RBM27: variants seen among roughly 807,000 people sequenced by gnomAD.
The protein encoded by RBM27 is RNA binding motif protein 27.
Under a neutral mutation model 135.3 loss-of-function variants are expected in RBM27, and 22 were observed. The observed-to-expected ratio is 0.16, with a 90% CI of 0.12 to 0.23. The LOEUF (loss-of-function observed/expected upper bound fraction) is 0.23, where lower values mean the gene tolerates loss of function less well. Ranked by LOEUF, RBM27 falls within the 10% of genes least tolerant of loss-of-function variation. The probability of loss-of-function intolerance (pLI) is 1.00; values close to 1 mark genes in which losing one functional copy is unlikely to be tolerated. For missense variants in RBM27, 1,009 were observed against 1,281.0 expected (o/e 0.79, Z 3.24); for synonymous variants, 481 against 442.4 (o/e 1.09, Z -1.10).
At chr5:146,247,742 T>A (rs1303771200) in intron 8 of RBM27, among the ~76,000 whole-genome samples, 1 of 152,212 alleles carries the variant, frequency 6.6e-6, no homozygotes, top group East Asian at 1.9e-4. Context: ...TAGATGGCGT[T>A]ATGTACTTCC....
chr5:146,231,053 G>GA, intron 6 of RBM27, 136 bp downstream of exon 6: 7 of 1,095,230 alleles, frequency 6.4e-6, no homozygotes, highest in South Asian at 1.7e-5. Flanking sequence ...ACAGAGTCTT[G>GA]CTCTGTCACC....
At chr5:146,265,842 T>C (rs1047697994) in intron 14 of RBM27, among the ~76,000 whole-genome samples, 3 of 152,162 alleles carry the variant, frequency 2.0e-5, no homozygotes, top group Non-Finnish European at 4.4e-5. Flanking sequence ...AAAAGAGAGA[T>C]AGAAGATAGA....
chr5:146,249,928 G>A (rs1757810324), intron 8 of RBM27, among the ~76,000 whole-genome samples: 1 of 152,034 alleles, frequency 6.6e-6, no homozygotes, highest in Non-Finnish European at 1.5e-5. Context: ...ACATCCATTA[G>A]AAATGTAAAT....
rs35589922 is a variant in RBM27 at position 146,268,245 on chromosome 5, CT to C, written c.2451+491del. Among the ~76,000 whole-genome samples the C allele has an allele frequency of 3.4e-3, 490 of 142,144 alleles. 3 individuals carry two copies. Among genetic ancestry groups the C allele is most frequent in the African/African-American group, 7.8e-3 (302 of 38,922 alleles). 93.3% of individuals were successfully genotyped at this position (142,144 alleles called of 152,430 possible). On this transcript the variant is annotated intron_variant, in intron 15 of 20. Transcript: ENST00000265271. ...GATTTTACTCTCTTATTTCTTATTTCTTTTTTTTTTTTTTGAGACGGAGTTT... is the reference window on the plus strand; with the variant it reads ...GATTTTACTCTCTTATTTCTTATTTCTTTTTTTTTTTTTGAGACGGAGTTT...
At position 146,248,163 on chromosome 5, in the gene RBM27, T is replaced by C. The variant is rs1757711413; in HGVS notation, c.1280-3548T>C. 3.3e-5 allele frequency among the ~76,000 whole-genome samples: 5 copies of C among 152,006 alleles called. No individual in the cohort carries two copies. The South Asian group carries it at 1.0e-3, about 31-fold the overall frequency. On this transcript the variant is annotated intron_variant, in intron 8 of 20. Coordinates refer to ENST00000265271, the MANE Select transcript of RBM27 (RefSeq NM_018989.2). Reference sequence around the variant, plus strand: ...TAACATTTGATATGTTTCACTCCATTATAGTCTTTTTTGATGTTCAGATTG... The same window carrying C: ...TAACATTTGATATGTTTCACTCCATCATAGTCTTTTTTGATGTTCAGATTG...
intron 2 of RBM27, among the ~76,000 whole-genome samples, chr5:146,220,474 CA>C (rs55722840): frequency 0.45 from 51,111 of 114,566 alleles, 10,386 homozygotes; most frequent in East Asian, 0.55. Flanking sequence ...GAGTCCATCT[CA>C]AAAAAAAAAA....
intron 15 of RBM27, among the ~76,000 whole-genome samples, chr5:146,268,483 C>G (rs924970061): frequency 6.6e-6 from 1 of 152,118 alleles, no homozygotes; most frequent in Admixed American, 6.6e-5. Flanking sequence ...CTCAGGTGAT[C>G]CACCTGCCTC....
chr5:146,207,962 T>TTTC (rs1378108937), intron 1 of RBM27, among the ~76,000 whole-genome samples: 1 of 142,136 alleles, frequency 7.0e-6, no homozygotes, highest in African/African-American at 2.6e-5. Context: ...TTTTTTTTTT[T>TTTC]TTTTTTTTTT....
chr5:146,224,031 ATTGT>A (rs139837425), intron 3 of RBM27, among the ~76,000 whole-genome samples: 1,574 of 152,312 alleles, frequency 0.01, 13 homozygotes, highest in Non-Finnish European at 0.018. Context: ...TGGTAACCTA[ATTGT>A]TTGAACCAAG....
intron 19 of RBM27, among the ~76,000 whole-genome samples, chr5:146,282,106 C>T (rs1156314423): frequency 1.4e-5 from 2 of 147,566 alleles, no homozygotes; most frequent in Non-Finnish European, 3.0e-5. Context: ...TGGGTTCAAG[C>T]GATTCTCTCC....
intron 5 of RBM27, 99 bp from the exon 6 acceptor site, chr5:146,230,558 C>A: frequency 7.8e-7 from 1 of 1,288,548 alleles, no homozygotes; most frequent in Non-Finnish European, 1.1e-6. Flanking sequence ...AAGTTTAATT[C>A]AACATTCTCA....
intron 20 of RBM27, 89 bp downstream of exon 20, chr5:146,284,821 T>C: frequency 1.2e-6 from 1 of 813,298 alleles, no homozygotes; most frequent in Non-Finnish European, 1.9e-6. Context: ...AATTAAAAAA[T>C]GCTGGGTTTT....
intron 5 of RBM27, 136 bp from the exon 6 acceptor site, chr5:146,230,521 A>G: frequency 1.2e-6 from 1 of 863,792 alleles, no homozygotes. Flanking sequence ...TAATAAAGAG[A>G]GGAGTATGAA....
chr5:146,242,657 G>T (rs562825463), intron 8 of RBM27, among the ~76,000 whole-genome samples: 2 of 152,200 alleles, frequency 1.3e-5, no homozygotes, highest in East Asian at 3.9e-4. Flanking sequence ...GCAGTGGTGC[G>T]ATCTCAGCTC....
At chr5:146,225,829 G>T (rs1365204253) in intron 3 of RBM27, among the ~76,000 whole-genome samples, 1 of 151,958 alleles carries the variant, frequency 6.6e-6, no homozygotes, top group Non-Finnish European at 1.5e-5. Context: ...CTTCCAAAGT[G>T]CTGGGATTAC....
At chr5:146,228,085 C>T (rs904176097) in intron 3 of RBM27, among the ~76,000 whole-genome samples, 3 of 152,096 alleles carry the variant, frequency 2.0e-5, no homozygotes, top group Admixed American at 2.0e-4. Flanking sequence ...CACTACCATT[C>T]CCTACTTTAA....
chr5:146,211,338 C>T lies in RBM27; in HGVS notation c.59+7514C>T, dbSNP rs577818657. ...AGGTATTTTGTTATAGTAGCCCAAA[C>T]AGACTAAGAGAGAAAGTTTTCATTT... On this transcript the variant is annotated intron_variant, in intron 1 of 20. Coordinates refer to ENST00000265271, the MANE Select transcript of RBM27 (RefSeq NM_018989.2). Among the ~76,000 whole-genome samples the T allele has an allele frequency of 2.0e-5, 3 of 151,818 alleles. No individual in the cohort carries two copies. In the East Asian group the frequency reaches 5.8e-4, roughly 29 times the overall value.
intron 8 of RBM27, among the ~76,000 whole-genome samples, chr5:146,237,936 C>T (rs1251655504): frequency 6.6e-6 from 1 of 152,160 alleles, no homozygotes; most frequent in Non-Finnish European, 1.5e-5. Context: ...GATCTACCTG[C>T]CTCGGCCTCC....
At chr5:146,254,355 A>G (rs1318906409) in intron 9 of RBM27, among the ~76,000 whole-genome samples, 5 of 152,186 alleles carry the variant, frequency 3.3e-5, no homozygotes, top group Non-Finnish European at 7.3e-5. Flanking sequence ...TATAGAGTAG[A>G]AATGAGTAGG....
Sources: allele counts gnomAD v4.1 joint callset (sites outside exome capture counted in the v4.1 genomes callset), GRCh38; gene constraint gnomAD v4.1.1; transcripts MANE v1.5; gene names NCBI Gene and HGNC (gene_info 2026-07-23, HGNC 2026-07-21).